Variants in NUP160 observed in about 807,000 individuals in gnomAD.
NUP160 encodes nucleoporin 160.
NUP160 carries 94 observed loss-of-function variants against 196.9 expected under a neutral mutation model. That is an observed-to-expected ratio of 0.48 (90% CI 0.40 to 0.57). The LOEUF (loss-of-function observed/expected upper bound fraction) is 0.57, where lower values mean the gene tolerates loss of function less well. NUP160 is among the 20% of genes least tolerant of loss of function. The pLI, the probability that NUP160 is intolerant of heterozygous loss-of-function variation, is 0.00. For synonymous variants in NUP160, 605 were observed against 619.7 expected (o/e 0.98, Z 0.35); for missense variants, 1,638 against 1,748.3 (o/e 0.94, Z 1.13).
intron 30 of NUP160, 33 bp downstream of exon 30, chr11:47,788,468 C>A (rs1474708075): frequency 1.9e-6 from 3 of 1,585,108 alleles, no homozygotes; most frequent in African/African-American, 2.7e-5. Flanking sequence ...GTGGTGCTGA[C>A]AAGTCAGAGG....
exon 22 of NUP160, chr11:47,803,522 C>G: frequency 6.2e-7 from 1 of 1,605,164 alleles, no homozygotes. Context: ...AGGGATGTAG[C>G]AGTTGAATAT....
chr11:47,841,932 A>C (rs1479391059), intron 2 of NUP160, among the ~76,000 whole-genome samples: 6 of 151,714 alleles, frequency 4.0e-5, no homozygotes, highest in Non-Finnish European at 7.4e-5. Context: ...CAAGCCTCCC[A>C]AAGTGCTACC....
Position 47,806,844 on chromosome 11 carries a change from CACACACACAT to C in NUP160, c.2446+216_2446+225del, listed in dbSNP as rs1359170494. ...ACACACACACACACACACACACACA[CACACACACAT>C]ATATATACCATATCCTTAACATATG... On this transcript the variant is annotated intron_variant, in intron 19 of 35. Transcript: ENST00000378460. 1.0e-3 allele frequency among the ~76,000 whole-genome samples: 100 copies of C among 99,582 alleles called. 1 individual carries two copies. Among genetic ancestry groups the C allele is most frequent in the Middle Eastern group, 5.0e-3 (1 of 200 alleles). 65.3% of individuals were successfully genotyped at this position (99,582 alleles called of 152,430 possible). A position where few individuals can be genotyped will look rare whatever the true frequency, so the allele number is the denominator to read the frequency against.
intron 29 of NUP160, among the ~76,000 whole-genome samples, chr11:47,790,834 T>C (rs1222538049): frequency 6.6e-6 from 1 of 152,202 alleles, no homozygotes; most frequent in East Asian, 1.9e-4. Context: ...ACTCTTCTGC[T>C]GCTCCTTGGT....
intron 18 of NUP160, among the ~76,000 whole-genome samples, 191 bp from the exon 19 acceptor site, chr11:47,807,331 A>G (rs2097678308): frequency 6.6e-6 from 1 of 152,202 alleles, no homozygotes; most frequent in African/African-American, 2.4e-5. Context: ...GTGACCCTTC[A>G]ATGAGGAGCC....
chr11:47,814,103 C>A (rs990306936), intron 13 of NUP160, among the ~76,000 whole-genome samples: 1 of 141,670 alleles, frequency 7.1e-6, no homozygotes. Context: ...AAGAGTGCCA[C>A]TGTACTGCAG....
At chr11:47,781,343 C>A (rs951548490) in intron 34 of NUP160, among the ~76,000 whole-genome samples, 1 of 151,644 alleles carries the variant, frequency 6.6e-6, no homozygotes, top group African/African-American at 2.4e-5. Context: ...GCTCACTGTA[C>A]CCTCAACCTC....
chr11:47,838,250 G>C (rs569865748), intron 4 of NUP160, among the ~76,000 whole-genome samples: 1 of 152,304 alleles, frequency 6.6e-6, no homozygotes. Context: ...ATGCCTTGTT[G>C]AAGTAGGGGT....
intron 22 of NUP160, among the ~76,000 whole-genome samples, chr11:47,802,634 C>A (rs892458529): frequency 6.6e-6 from 1 of 151,852 alleles, no homozygotes; most frequent in Admixed American, 6.6e-5. Context: ...CTTTAAACTA[C>A]ATAACGAGAA....
intron 27 of NUP160, among the ~76,000 whole-genome samples, chr11:47,797,080 T>C (rs2097671301): frequency 6.6e-6 from 1 of 152,186 alleles, no homozygotes; most frequent in African/African-American, 2.4e-5. Context: ...ATGCGGAATA[T>C]CATCTATTAT....
At chr11:47,814,778 A>G (rs142254692) in intron 13 of NUP160, among the ~76,000 whole-genome samples, 2 of 152,332 alleles carry the variant, frequency 1.3e-5, no homozygotes, top group East Asian at 3.9e-4. Context: ...AAGGAGCATG[A>G]TATCTACAAC....
intron 7 of NUP160, among the ~76,000 whole-genome samples, chr11:47,822,499 G>A (rs1044728021): frequency 2.0e-5 from 3 of 151,528 alleles, no homozygotes; most frequent in Non-Finnish European, 4.4e-5. Flanking sequence ...TTCATGATGC[G>A]CCTGCCTCGG....
chr11:47,807,268 C>T (rs774324275), intron 18 of NUP160, 128 bp from the exon 19 acceptor site: 7 of 616,396 alleles, frequency 1.1e-5, no homozygotes, highest in Non-Finnish European at 2.0e-5. Context: ...ACTGAAAGCA[C>T]AAAAAAAATT....
chr11:47,796,918 C>T (rs1472328280), intron 27 of NUP160, among the ~76,000 whole-genome samples: 1 of 152,156 alleles, frequency 6.6e-6, no homozygotes, highest in Admixed American at 6.5e-5. Context: ...GTCTCGAACT[C>T]CTGACATTAA....
rs1407639476 is a variant in NUP160, at chr11:47,841,603, A to C, written c.315-1015T>G. On this transcript the variant is annotated intron_variant, in intron 2 of 35. Coordinates refer to ENST00000378460, the Ensembl canonical transcript of NUP160. ...TTTGCCACCGAAGACAGCCAGTGTTACAAGGAAGGCCATGTGATCCTGGAA... is the reference window on the plus strand; with the variant it reads ...TTTGCCACCGAAGACAGCCAGTGTTCCAAGGAAGGCCATGTGATCCTGGAA... 2.5e-5 allele frequency: 11 copies of C among 434,616 alleles called. No individual in the cohort carries two copies. In the Admixed American group the frequency reaches 3.0e-4, roughly 12 times the overall value. The allele number at this position is 434,616 out of a possible 1,614,324, so 26.9% of individuals were successfully genotyped here.
chr11:47,815,476 T>A lies in NUP160; in HGVS notation c.1686+3A>T. On this transcript the variant is annotated splice_donor_region_variant and intron_variant, in intron 13 of 35. Coordinates refer to ENST00000378460, the Ensembl canonical transcript of NUP160. Reference sequence around the variant, plus strand: ...GGTCTTCTCTATGCTTTAGCTCACTTACTTTTTTCAGCAGGCACACCATGT... The same window carrying A: ...GGTCTTCTCTATGCTTTAGCTCACTAACTTTTTTCAGCAGGCACACCATGT... The A allele has an allele frequency of 1.3e-6, 2 of 1,588,106 alleles. No homozygotes were observed. Among genetic ancestry groups the A allele is most frequent in the South Asian group, 2.3e-5 (2 of 85,822 alleles).
exon 23 of NUP160, chr11:47,801,839 G>C: frequency 6.2e-7 from 1 of 1,613,960 alleles, no homozygotes; most frequent in Non-Finnish European, 8.5e-7. Flanking sequence ...CCTGGGGGTA[G>C]ACACGATCTC....
At chr11:47,794,595 G>A (rs745552353) in intron 27 of NUP160, among the ~76,000 whole-genome samples, 14 of 151,682 alleles carry the variant, frequency 9.2e-5, no homozygotes, top group East Asian at 5.8e-4. Flanking sequence ...GTGGTGAAAC[G>A]TCGTCTCTAC....
At chr11:47,785,101 C>CTTTTTTTTTTTTTTTT in intron 32 of NUP160, 38 bp from the exon 33 acceptor site, 3 of 1,107,986 alleles carry the variant, frequency 2.7e-6, no homozygotes, top group Non-Finnish European at 3.8e-6. Context: ...GTTTCAGATT[C>CTTTTTTTTTTTTTTTT]TTAATAGCTA....
Sources: allele counts gnomAD v4.1 joint callset (sites outside exome capture counted in the v4.1 genomes callset), GRCh38; gene constraint gnomAD v4.1.1; transcripts MANE v1.5; gene names NCBI Gene and HGNC (gene_info 2026-07-23, HGNC 2026-07-21).